The following RFTN2 variants were observed in gnomAD, a reference collection of about 807,000 sequenced individuals.
RFTN2 encodes the protein raftlin family member 2.
Under a neutral mutation model 52.7 loss-of-function variants are expected in RFTN2, and 34 were observed. The observed-to-expected ratio is 0.64, with a 90% confidence interval of 0.49 to 0.86. RFTN2 has a LOEUF of 0.86. RFTN2 is among the 40% of genes least tolerant of loss of function. The pLI, the probability that RFTN2 is intolerant of heterozygous loss-of-function variation, is 0.00. For synonymous variants in RFTN2, 203 were observed against 217.7 expected, an observed-to-expected ratio of 0.93 and a Z score of 0.59; for missense variants, 536 against 600.1, an observed-to-expected ratio of 0.89 and a Z score of 1.12.
intron 1 of RFTN2, among the ~76,000 whole-genome samples, chr2:197,653,121 A>C (rs973434396): frequency 6.6e-6 from 1 of 152,224 alleles, no homozygotes; most frequent in South Asian, 2.1e-4. Flanking sequence ...CCACAAGGGC[A>C]GGATGAAAGC....
intron 8 of RFTN2, among the ~76,000 whole-genome samples, chr2:197,576,037 C>T (rs1391247052): frequency 1.3e-5 from 2 of 151,386 alleles, no homozygotes; most frequent in South Asian, 2.1e-4. Flanking sequence ...GAGACAGAGT[C>T]TTGTTCTGTT....
chr2:197,571,151 A>G lies in RFTN2; in HGVS notation c.*857T>C, dbSNP rs2087310640. ...ATTCTTCAGGATTTAACAAGTCAAA[A>G]TAAAAGCAGAATTCAAATCTAGACA... On this transcript the variant is annotated 3_prime_UTR_variant, in exon 9 of 9. Transcript: ENST00000295049. 6.6e-6 allele frequency: 1 copy of G among 152,378 alleles called. No individual in the cohort carries two copies. The highest frequency in any genetic ancestry group is 2.4e-5 in the African/African-American group (1 of 41,468). The allele number at this position is 152,378 out of a possible 1,614,324, so 9.4% of individuals were successfully genotyped here. A position where few individuals can be genotyped will look rare whatever the true frequency, so the allele number is the denominator to read the frequency against.
At chr2:197,579,950 G>A in intron 8 of RFTN2, among the ~76,000 whole-genome samples, 1 of 152,036 alleles carries the variant, frequency 6.6e-6, no homozygotes, top group East Asian at 1.9e-4. Flanking sequence ...GAGGTGGCTG[G>A]AGCTAAAGGC....
chr2:197,599,880 C>T (rs763189333), intron 7 of RFTN2, among the ~76,000 whole-genome samples: 2 of 151,788 alleles, frequency 1.3e-5, no homozygotes, highest in Non-Finnish European at 1.5e-5. Context: ...TTTTTTGAGG[C>T]GGAGTCTCCA....
intron 7 of RFTN2, among the ~76,000 whole-genome samples, chr2:197,608,840 T>C (rs930669923): frequency 6.6e-6 from 1 of 151,940 alleles, no homozygotes; most frequent in African/African-American, 2.4e-5. Flanking sequence ...TGTCCAAGTG[T>C]TCTCATTGTT....
At position 197,675,482 on chromosome 2, in the gene RFTN2, T is replaced by C. The variant is rs2089203917; in HGVS notation, c.-24A>G. 1 of 1,506,786 alleles carries C rather than the reference T, an allele frequency of 6.6e-7. No individual in the cohort carries two copies. The allele number at this position is 1,506,786 out of a possible 1,614,324, so 93.3% of individuals were successfully genotyped here. ...ATGGCAAAATCTGTAAGGAATTAAA[T>C]TGCAGGAAAGGGGAGGGAGAGCAGC... is the stretch of plus-strand genomic sequence containing the variant. On this transcript the variant is annotated 5_prime_UTR_variant, in exon 1 of 9. Transcript: ENST00000295049.
chr2:197,658,979 A>G (rs1021884749), intron 1 of RFTN2, among the ~76,000 whole-genome samples: 2 of 152,176 alleles, frequency 1.3e-5, no homozygotes, highest in African/African-American at 2.4e-5. Context: ...AACATCAAAG[A>G]CTTTATGCTC....
At chr2:197,646,336 C>G in intron 2 of RFTN2, 147 bp downstream of exon 2, 1 of 580,360 alleles carries the variant, frequency 1.7e-6, no homozygotes, top group Non-Finnish European at 3.0e-6. Flanking sequence ...TTCCTTGCTT[C>G]AATCCAGGTT....
In RFTN2 at chr2:197,617,926, G is replaced by A; in HGVS notation, c.929-5C>T. 2 of 1,595,912 alleles carry A rather than the reference G, an allele frequency of 1.3e-6. No individual in the cohort carries two copies. Among genetic ancestry groups the A allele is most frequent in the Non-Finnish European group, 8.5e-7 (1 of 1,170,612 alleles). On this transcript the variant is annotated splice_region_variant and splice_polypyrimidine_tract_variant and intron_variant, in intron 5 of 8. Transcript: ENST00000295049. ...AAGATTTAGGCAAATGTTCCCCTGT[G>A]AGGAAGAGGGTACAATTAAGAAGGG...
rs201711932 is a variant in RFTN2 at position 197,626,614 on chromosome 2, C to CTTTTTTTTTTTTTTT, written c.928+4396_928+4397insAAAAAAAAAAAAAAA. On this transcript the variant is annotated intron_variant, in intron 5 of 8. Transcript: ENST00000295049. ...AGTTAAAATAAAAAAAAGGAATAATCTTCTTTTTTTTTTTTTTTTTTTTTT... is the reference window on the plus strand; with the variant it reads ...AGTTAAAATAAAAAAAAGGAATAATCTTTTTTTTTTTTTTTTTCTTTTTTTTTTTTTTTTTTTTTT... Among the ~76,000 whole-genome samples the CTTTTTTTTTTTTTTT allele has an allele frequency of 2.0e-5, 2 of 97,592 alleles. 1 individual carries two copies. Among genetic ancestry groups the CTTTTTTTTTTTTTTT allele is most frequent in the Non-Finnish European group, 3.8e-5 (2 of 52,430 alleles). The allele number at this position is 97,592 out of a possible 152,430, so 64.0% of individuals were successfully genotyped here.
Position 197,571,971 on chromosome 2 carries a change from A to G in RFTN2, c.*37T>C, listed in dbSNP as rs887934019. 4 of 1,595,590 alleles carry G rather than the reference A, an allele frequency of 2.5e-6. No homozygotes were observed. Among genetic ancestry groups the G allele is most frequent in the South Asian group, 2.2e-5 (2 of 90,502 alleles). ...AGGTCAGTTGGCAATGATTTTAACA[A>G]TTATTTACAGGGCCTTCCTTTGCTT... On this transcript the variant is annotated 3_prime_UTR_variant, in exon 9 of 9. Transcript: ENST00000295049.
intron 8 of RFTN2, among the ~76,000 whole-genome samples, chr2:197,586,234 CCA>C (rs2087595226): frequency 6.6e-6 from 1 of 152,172 alleles, no homozygotes; most frequent in Non-Finnish European, 1.5e-5. Context: ...ATACCCAGCC[CCA>C]TAAATAACAG....
chr2:197,603,726 C>T (rs930850320), intron 7 of RFTN2, among the ~76,000 whole-genome samples: 1 of 152,104 alleles, frequency 6.6e-6, no homozygotes, highest in Admixed American at 6.5e-5. Context: ...ACCAGCCTGG[C>T]TAACATGGTG....
At chr2:197,600,375 C>A (rs1434185942) in intron 7 of RFTN2, among the ~76,000 whole-genome samples, 1 of 152,094 alleles carries the variant, frequency 6.6e-6, no homozygotes, top group Non-Finnish European at 1.5e-5. Context: ...ATAGTCAGAT[C>A]CTTAATTTGA....
In RFTN2 at chr2:197,650,834, T is replaced by C. The variant is rs542567137; in HGVS notation, c.140-4168A>G. On this transcript the variant is annotated intron_variant, in intron 1 of 8. Transcript: ENST00000295049. ...GAAGTGGGATTGCTGGATCATATGG[T>C]AATTCTATTTATAAGTTTTTGAGGA... Among the ~76,000 whole-genome samples, 92 of 152,322 alleles carry C rather than the reference T, an allele frequency of 6.0e-4. 1 individual carries two copies. The Middle Eastern group carries it at 0.01, about 17-fold the overall frequency.
chr2:197,625,954 A>G lies in RFTN2; in HGVS notation c.928+5057T>C, dbSNP rs1357916083. Among the ~76,000 whole-genome samples, 5 of 151,766 alleles carry G rather than the reference A, an allele frequency of 3.3e-5. No homozygotes were observed. In the East Asian group the frequency reaches 9.7e-4, roughly 29 times the overall value. On this transcript the variant is annotated intron_variant, in intron 5 of 8. Coordinates refer to ENST00000295049, the MANE Select transcript of RFTN2 (RefSeq NM_144629.3). ...CTACAGGCACCCACCATGCCCGGCT[A>G]ATTTTTGCATTTCTAATAGAGACAG...
chr2:197,653,899 A>G (rs892457062), intron 1 of RFTN2, among the ~76,000 whole-genome samples: 22 of 152,212 alleles, frequency 1.4e-4, no homozygotes, highest in Middle Eastern at 3.2e-3. Flanking sequence ...TCATATCCTT[A>G]AAATTTTCTT....
At chr2:197,604,839 C>T (rs1268929835) in intron 7 of RFTN2, among the ~76,000 whole-genome samples, 1 of 152,196 alleles carries the variant, frequency 6.6e-6, no homozygotes, top group African/African-American at 2.4e-5. Context: ...TGGCTTACTG[C>T]AACCTCTGCC....
intron 6 of RFTN2, among the ~76,000 whole-genome samples, chr2:197,616,471 T>C (rs961185598): frequency 2.6e-5 from 4 of 151,848 alleles, no homozygotes; most frequent in Admixed American, 2.6e-4. Flanking sequence ...TTAAAATTTT[T>C]TGTAGAGATG....
Sources: allele counts gnomAD v4.1 joint callset (sites outside exome capture counted in the v4.1 genomes callset), GRCh38; gene constraint gnomAD v4.1.1; transcripts MANE v1.5; gene names NCBI Gene and HGNC (gene_info 2026-07-23, HGNC 2026-07-21).